The following CCNT2 variants were observed in gnomAD, a reference collection of about 807,000 sequenced individuals.
The protein encoded by CCNT2 is cyclin T2.
CCNT2 carries 18 observed loss-of-function variants against 70.0 expected under a neutral mutation model. The observed-to-expected ratio is 0.26, with a 90% CI of 0.18 to 0.38. The LOEUF is 0.38. Among genes scored for constraint, CCNT2 ranks in the 10% least tolerant of loss-of-function variants. The pLI, the probability that CCNT2 is intolerant of heterozygous loss-of-function variation, is 1.00. For synonymous variants in CCNT2, 334 were observed against 313.3 expected (o/e 1.07, Z -0.70); for missense variants, 734 against 890.2 (o/e 0.82, Z 2.23).
intron 4 of CCNT2, among the ~76,000 whole-genome samples, chr2:134,940,328 G>C (rs1280223754): frequency 2.6e-5 from 4 of 152,044 alleles, no homozygotes; most frequent in Non-Finnish European, 5.9e-5. Context: ...GAAAAAACTT[G>C]TAGGTGAGCT....
Position 134,947,692 on chromosome 2 carries a change from T to C in CCNT2, c.540-44T>C, listed in dbSNP as rs1682103125. The C allele has an allele frequency of 2.9e-6, 4 of 1,370,738 alleles. No individual in the cohort carries two copies. The East Asian group carries it at 1.0e-4, about 35-fold the overall frequency. The allele number at this position is 1,370,738 out of a possible 1,614,324, so 84.9% of individuals were successfully genotyped here. The stretch of plus-strand genomic sequence containing the variant: ...AAATGTTTTTCTTTGTTTTACATAC[T>C]TGAATTTTTATGGCTCTCCATTTTC... On this transcript the variant is annotated intron_variant, in intron 6 of 8. Coordinates refer to ENST00000264157, the MANE Select transcript of CCNT2 (RefSeq NM_058241.3).
rs1682703856 is a variant in CCNT2, at chr2:134,953,692, A to G, written c.1237A>G (p.Lys413Glu). ...TTCTGTTAAGCAAGAATATACTCATAAAGCAGGGAGCAGTAAACACCATGG... is the reference window on the plus strand; with the variant it reads ...TTCTGTTAAGCAAGAATATACTCATGAAGCAGGGAGCAGTAAACACCATGG... ...HSSVKQEYTH[K>E]AGSSKHHGPI... The change falls in exon 9 of 9, where the codon AAA becomes GAA. Residue 413 changes from lysine to glutamate, a missense_variant. Lys to Glu is a moderately conservative substitution (Grantham distance 56). Around this residue, in one of 3 missense-constraint regions of CCNT2, gnomAD observed 532 missense variants for 556.9 expected, o/e 0.96. Transcript: ENST00000264157. 1 of 1,613,942 alleles carries G rather than the reference A, an allele frequency of 6.2e-7. No individual in the cohort carries two copies. Among genetic ancestry groups the G allele is most frequent in the Non-Finnish European group, 8.5e-7 (1 of 1,179,774 alleles).
At chr2:134,921,249 A>G (rs1384504433) in intron 2 of CCNT2, among the ~76,000 whole-genome samples, 1 of 152,212 alleles carries the variant, frequency 6.6e-6, no homozygotes, top group African/African-American at 2.4e-5. Flanking sequence ...AATAGTTCTG[A>G]CTATTCTTTA....
At chr2:134,950,727 A>T (rs1682433856) in intron 7 of CCNT2, among the ~76,000 whole-genome samples, 1 of 152,216 alleles carries the variant, frequency 6.6e-6, no homozygotes, top group Non-Finnish European at 1.5e-5. Context: ...TCACTTAATG[A>T]TTGTGTTCCA....
chr2:134,942,451 A>G lies in CCNT2; in HGVS notation c.431-161A>G, dbSNP rs45463500. Among the ~76,000 whole-genome samples, 444 of 152,244 alleles carry G rather than the reference A, an allele frequency of 2.9e-3. 1 individual carries two copies. Among genetic ancestry groups the G allele is most frequent in the African/African-American group, 9.4e-3 (391 of 41,538 alleles). On this transcript the variant is annotated intron_variant, in intron 4 of 8. Coordinates refer to ENST00000264157, the MANE Select transcript of CCNT2 (RefSeq NM_058241.3). ...ATAATTGAGACATTGTATTTGAAAA[A>G]TTATATCTTGTCATTGGAAAAGTAA...
At chr2:134,942,769 G>A (rs1219581972) in intron 5 of CCNT2, 95 bp downstream of exon 5, 1 of 1,403,420 alleles carries the variant, frequency 7.1e-7, no homozygotes, top group African/African-American at 1.5e-5. Flanking sequence ...CCTTTTGTTA[G>A]GTTTCATTAA....
Position 134,958,426 on chromosome 2 carries a change from T to C in CCNT2, c.*3778T>C, listed in dbSNP as rs1257206044. ...TGACTACCTTTACCCAGATGAGGGA[T>C]CAACAAATCTCACACTTAAACTAAA... On this transcript the variant is annotated 3_prime_UTR_variant, in exon 9 of 9. Coordinates refer to ENST00000264157, the MANE Select transcript of CCNT2 (RefSeq NM_058241.3). 6.6e-6 allele frequency: 1 copy of C among 152,184 alleles called. No individual in the cohort carries two copies. The highest frequency in any genetic ancestry group is 1.5e-5 in the Non-Finnish European group (1 of 68,028). The allele number at this position is 152,184 out of a possible 1,614,324, so 9.4% of individuals were successfully genotyped here. A position where few individuals can be genotyped will look rare whatever the true frequency, so the allele number is the denominator to read the frequency against.
chr2:134,928,400 T>A (rs1462279001), intron 2 of CCNT2, among the ~76,000 whole-genome samples: 1 of 149,438 alleles, frequency 6.7e-6, no homozygotes, highest in Non-Finnish European at 1.5e-5. Context: ...TGCCTCAGCC[T>A]CCCAAGTAGC....
Position 134,949,810 on chromosome 2 carries a change from G to GGC in CCNT2, c.703+1912_703+1913insCG, listed in dbSNP as rs1553525642. Among the ~76,000 whole-genome samples the GGC allele has an allele frequency of 1.5e-5, 2 of 133,688 alleles. 1 individual carries two copies. The highest frequency in any genetic ancestry group is 5.5e-5 in the African/African-American group (2 of 36,594). 87.7% of individuals were successfully genotyped at this position (133,688 alleles called of 152,430 possible). ...AGGCAAAATTTTTTTTTCGGGGGGG[G>GGC]GGTGGGGGACAGAGTCTCAGTCGCC... On this transcript the variant is annotated intron_variant, in intron 7 of 8. Transcript: ENST00000264157.
intron 4 of CCNT2, among the ~76,000 whole-genome samples, chr2:134,941,818 T>C (rs1026022254): frequency 6.6e-6 from 1 of 152,210 alleles, no homozygotes; most frequent in African/African-American, 2.4e-5. Flanking sequence ...AGGGGAACAT[T>C]AGAATTTAGA....
chr2:134,954,212 G>A lies in CCNT2; in HGVS notation c.1757G>A (p.Gly586Asp). ...SHSHSGSSSG[G>D]SKHSADGIPP... is the part of the protein sequence containing the mutation. ...TCGCATAGTGGCAGCAGCAGCGGTG[G>A]CAGTAAACACAGTGCCGACGGAATA... is the stretch of plus-strand genomic sequence containing the variant. Residue 586 changes from glycine to aspartate, a missense_variant, in exon 9 of 9, where the codon GGC (glycine) becomes GAC (aspartate). Gly to Asp is a moderately conservative substitution (Grantham distance 94, BLOSUM62 -1). This residue lies in a region of CCNT2 where 532 missense variants were observed against 556.9 expected (regional missense o/e 0.96). Coordinates refer to ENST00000264157, the MANE Select transcript of CCNT2 (RefSeq NM_058241.3). 2 of 1,614,162 alleles carry A rather than the reference G, an allele frequency of 1.2e-6. No homozygotes were observed. The highest frequency in any genetic ancestry group is 2.2e-5 in the South Asian group (2 of 91,082).
At chr2:134,923,380 A>T (rs955111232) in intron 2 of CCNT2, among the ~76,000 whole-genome samples, 3 of 152,234 alleles carry the variant, frequency 2.0e-5, no homozygotes, top group Admixed American at 6.5e-5. Context: ...ACAGAAGTCA[A>T]ATCAGCATAT....
rs189098831 is a variant in CCNT2 at position 134,951,700 on chromosome 2, A to C, written c.704-941A>C. 5.9e-5 allele frequency among the ~76,000 whole-genome samples: 9 copies of C among 152,260 alleles called. No homozygotes were observed. In the East Asian group the frequency reaches 1.7e-3, roughly 29 times the overall value. On this transcript the variant is annotated intron_variant, in intron 7 of 8. Transcript: ENST00000264157. Reference sequence around the variant, plus strand: ...TGTTATTTAACAAAAAAAAGAAAGAAAGAAATGCAAAATATTGCATAGTTC... The same window carrying C: ...TGTTATTTAACAAAAAAAAGAAAGACAGAAATGCAAAATATTGCATAGTTC...
rs11385900 is a variant in CCNT2 at position 134,948,720 on chromosome 2, C to CTTTTTT, written c.703+830_703+835dup. Among the ~76,000 whole-genome samples, 232 of 143,222 alleles carry CTTTTTT rather than the reference C, an allele frequency of 1.6e-3. 4 individuals carry two copies. Among genetic ancestry groups the CTTTTTT allele is most frequent in the Middle Eastern group, 0.015 (4 of 274 alleles). The allele number at this position is 143,222 out of a possible 152,430, so 94.0% of individuals were successfully genotyped here. On this transcript the variant is annotated intron_variant, in intron 7 of 8. Coordinates refer to ENST00000264157, the MANE Select transcript of CCNT2 (RefSeq NM_058241.3). ...GATTTCAGCAAGAAAATAGATAACA[C>CTTTTTT]TTTTTTTTTTTTTTGAGTCAGTCTC...
chr2:134,922,082 G>C lies in CCNT2; in HGVS notation c.240+2191G>C, dbSNP rs555814339. On this transcript the variant is annotated intron_variant, in intron 2 of 8. Coordinates refer to ENST00000264157, the MANE Select transcript of CCNT2 (RefSeq NM_058241.3). ...TCCCCCCTGTTCTTTTAGGGCAAAG[G>C]GGGTGGTCTGAAATTGAATGTGAGT... Among the ~76,000 whole-genome samples, 7 of 152,134 alleles carry C rather than the reference G, an allele frequency of 4.6e-5. No homozygotes were observed. In the East Asian group the frequency reaches 1.2e-3, roughly 25 times the overall value.
At position 134,957,673 on chromosome 2, in the gene CCNT2, C is replaced by G. The variant is rs1046091041; in HGVS notation, c.*3025C>G. 6.6e-6 allele frequency: 1 copy of G among 152,164 alleles called. No homozygotes were observed. Among genetic ancestry groups the G allele is most frequent in the African/African-American group, 2.4e-5 (1 of 41,448 alleles). The allele number at this position is 152,164 out of a possible 1,614,324, so 9.4% of individuals were successfully genotyped here. A position where few individuals can be genotyped will look rare whatever the true frequency, so the allele number is the denominator to read the frequency against. On this transcript the variant is annotated 3_prime_UTR_variant, in exon 9 of 9. Transcript: ENST00000264157. ...CGGTAGTGGTAAAACCTCACAGTTT[C>G]CTAATTGCAGGTATGTAAATACCAA...
At chr2:134,946,006 T>C (rs1441216399) in intron 5 of CCNT2, 95 bp from the exon 6 acceptor site, 1 of 1,607,346 alleles carries the variant, frequency 6.2e-7, no homozygotes, top group Non-Finnish European at 8.5e-7. Flanking sequence ...ACTTTTTGTG[T>C]ACAAATCTTT....
At chr2:134,951,504 A>C (rs1682497006) in intron 7 of CCNT2, among the ~76,000 whole-genome samples, 1 of 152,164 alleles carries the variant, frequency 6.6e-6, no homozygotes, top group Non-Finnish European at 1.5e-5. Flanking sequence ...TAATATATTA[A>C]TAGTGTTGAT....
chr2:134,944,154 G>A lies in CCNT2; in HGVS notation c.493+1480G>A, dbSNP rs1197998428. On this transcript the variant is annotated intron_variant, in intron 5 of 8. Transcript: ENST00000264157. Reference sequence around the variant, plus strand: ...TCCTGTTCTTCATGGTTATATCAGCGTGTTTTATAGCACATTTTCATCTGA... The same window carrying A: ...TCCTGTTCTTCATGGTTATATCAGCATGTTTTATAGCACATTTTCATCTGA... The A allele has an allele frequency of 3.7e-5, 36 of 983,612 alleles. No individual in the cohort carries two copies. The African/African-American group carries it at 6.1e-4, about 17-fold the overall frequency. 60.9% of individuals were successfully genotyped at this position (983,612 alleles called of 1,614,324 possible). A position where few individuals can be genotyped will look rare whatever the true frequency, so the allele number is the denominator to read the frequency against.
Sources: gnomAD v4.1 joint callset for allele counts (sites outside exome capture counted in the v4.1 genomes callset) on GRCh38, gnomAD v4.1.1 for gene constraint, gnomAD v4.1.1 regional missense constraint, MANE v1.5 for transcripts, NCBI Gene and HGNC (gene_info 2026-07-23, HGNC 2026-07-21) for gene names.